Variants in HECTD4 observed in about 807,000 individuals in gnomAD.
The protein encoded by HECTD4 is HECT domain E3 ubiquitin protein ligase 4, also known as probable E3 ubiquitin-protein ligase HECTD4.
Under a neutral mutation model 471.5 loss-of-function variants are expected in HECTD4, and 114 were observed. The observed-to-expected ratio is 0.24, with a 90% CI of 0.21 to 0.28. HECTD4 has a LOEUF of 0.28. Among genes scored for constraint, HECTD4 ranks in the 10% least tolerant of loss-of-function variants. HECTD4 has a pLI of 1.00. For synonymous variants in HECTD4, 2,012 were observed against 2,256.0 expected, an observed-to-expected ratio of 0.89 and a Z score of 3.07; for missense variants, 3,866 against 5,651.5, an observed-to-expected ratio of 0.68 and a Z score of 10.13.
intron 1 of HECTD4, among the ~76,000 whole-genome samples, chr12:112,324,155 C>A (rs1434097821): frequency 1.4e-5 from 2 of 146,512 alleles, no homozygotes; most frequent in African/African-American, 5.1e-5. Flanking sequence ...GTCTCACTCA[C>A]CCAGGCTGGA....
intron 7 of HECTD4, among the ~76,000 whole-genome samples, chr12:112,298,183 A>C (rs954561992): frequency 6.6e-6 from 1 of 152,212 alleles, no homozygotes; most frequent in African/African-American, 2.4e-5. Context: ...AGCCAAAAAA[A>C]TAGAGTGCCT....
In HECTD4 at chr12:112,162,678, C is replaced by T. The variant is rs1419297277; in HGVS notation, c.13121-155G>A. The T allele has an allele frequency of 3.6e-6, 3 of 825,810 alleles. No homozygotes were observed. Among genetic ancestry groups the T allele is most frequent in the East Asian group, 2.7e-5 (1 of 37,266 alleles). The allele number at this position is 825,810 out of a possible 1,614,324, so 51.2% of individuals were successfully genotyped here. On this transcript the variant is annotated intron_variant, in intron 75 of 75. Coordinates refer to ENST00000682272, the MANE Select transcript of HECTD4 (RefSeq NM_001388303.1). This position sits in a 1 kb window ranked among gnomAD's most constrained non-coding sequence, Gnocchi z 5.2. ...AGGGGGATGAGGGCCTGGGAACCTG[C>T]GAGATGTTCTTGGAGGGAAAAGGGG... is the stretch of plus-strand genomic sequence containing the variant.
chr12:112,223,124 G>A (rs936747156), intron 44 of HECTD4, among the ~76,000 whole-genome samples: 9 of 152,124 alleles, frequency 5.9e-5, no homozygotes, highest in Admixed American at 1.3e-4. Context: ...TGATGGTTCC[G>A]GTAGCCTGCT....
chr12:112,302,080 C>T, intron 7 of HECTD4: 1 of 1,378,506 alleles, frequency 7.3e-7, no homozygotes, highest in Non-Finnish European at 1.0e-6. Context: ...TGGTGCAGGT[C>T]TTCCTGTGGA....
chr12:112,193,818 C>A lies in HECTD4; in HGVS notation c.8750-144G>T. ...ATATGATGTCCTGGATAACAGATGC[C>A]GGCAATCAGATCCTCTGCACCAGGA... On this transcript the variant is annotated intron_variant, in intron 56 of 75. Coordinates refer to ENST00000682272, the MANE Select transcript of HECTD4 (RefSeq NM_001388303.1). This position sits in a 1 kb window ranked among gnomAD's most constrained non-coding sequence, Gnocchi z 5.2. 1.4e-6 allele frequency: 1 copy of A among 704,204 alleles called. No individual in the cohort carries two copies. The highest frequency in any genetic ancestry group is 2.4e-6 in the Non-Finnish European group (1 of 410,610). 43.6% of individuals were successfully genotyped at this position (704,204 alleles called of 1,614,324 possible). A position where few individuals can be genotyped will look rare whatever the true frequency, so the allele number is the denominator to read the frequency against.
rs1269566509 is a variant in HECTD4, at chr12:112,193,398, T to G, written c.8955+71A>C. On this transcript the variant is annotated intron_variant, in intron 57 of 75. Coordinates refer to ENST00000682272, the MANE Select transcript of HECTD4 (RefSeq NM_001388303.1). The surrounding 1 kb of genome is among the most constrained non-coding windows in gnomAD (Gnocchi z 5.2). ...CTTGGAAGGGAAAGGGGAGTCATTT[T>G]CAGCAAGCCAGTGAGACTCCCAGTT... 1 of 1,464,926 alleles carries G rather than the reference T, an allele frequency of 6.8e-7. No individual in the cohort carries two copies. The highest frequency in any genetic ancestry group is 2.4e-5 in the East Asian group (1 of 40,992). The allele number at this position is 1,464,926 out of a possible 1,614,324, so 90.7% of individuals were successfully genotyped here. A position where few individuals can be genotyped will look rare whatever the true frequency, so the allele number is the denominator to read the frequency against.
intron 29 of HECTD4, among the ~76,000 whole-genome samples, chr12:112,245,231 T>C (rs562678779): frequency 2.8e-4 from 43 of 152,332 alleles, no homozygotes; most frequent in Admixed American, 2.8e-3. Context: ...CTTGAACTCC[T>C]GGTGTAAGCG....
chr12:112,286,598 G>A (rs933618559), intron 7 of HECTD4, among the ~76,000 whole-genome samples: 1 of 152,026 alleles, frequency 6.6e-6, no homozygotes, highest in African/African-American at 2.4e-5. Flanking sequence ...AGACTGAGGC[G>A]GGAGGATTGA....
intron 1 of HECTD4, among the ~76,000 whole-genome samples, chr12:112,352,420 C>T (rs1256628700): frequency 6.6e-6 from 1 of 151,498 alleles, no homozygotes; most frequent in Non-Finnish European, 1.5e-5. Context: ...ATTGCAACCT[C>T]CGCCTCCTGG....
chr12:112,204,133 C>T (rs1015842487), intron 53 of HECTD4, among the ~76,000 whole-genome samples: 7 of 151,676 alleles, frequency 4.6e-5, no homozygotes, highest in Middle Eastern at 3.2e-3. Context: ...ACCTCCGCCT[C>T]CCAGGTTCAA....
intron 4 of HECTD4, among the ~76,000 whole-genome samples, chr12:112,310,136 G>A (rs2035345204): frequency 6.6e-6 from 1 of 152,196 alleles, no homozygotes; most frequent in African/African-American, 2.4e-5. Flanking sequence ...TCTGTAAGAT[G>A]AGGATAATAA....
rs1021115360 is a variant in HECTD4 at position 112,381,246 on chromosome 12, C to T, written c.177+706G>A. On this transcript the variant is annotated intron_variant, in intron 1 of 75. Transcript: ENST00000682272. The surrounding 1 kb of genome is among the most constrained non-coding windows in gnomAD (Gnocchi z 4.1). Reference sequence around the variant, plus strand: ...CTGTTGCACCTGCCACGGCTCTGAACCCGGGATGCTTGGCGACCCCCGGGG... The same window carrying T: ...CTGTTGCACCTGCCACGGCTCTGAATCCGGGATGCTTGGCGACCCCCGGGG... Among the ~76,000 whole-genome samples the T allele has an allele frequency of 6.6e-6, 1 of 151,994 alleles. No homozygotes were observed. The highest frequency in any genetic ancestry group is 1.5e-5 in the Non-Finnish European group (1 of 68,014).
rs1054669094 is a variant in HECTD4 at position 112,272,960 on chromosome 12, C to T, written c.1942+695G>A. Among the ~76,000 whole-genome samples, 4 of 152,202 alleles carry T rather than the reference C, an allele frequency of 2.6e-5. No homozygotes were observed. In the South Asian group the frequency reaches 8.3e-4, roughly 32 times the overall value. Reference sequence around the variant, plus strand: ...TTGAGGTGGTCAGCATAGTAATTCTCTCAATGCAGACTGAGGTGGAGGATA... The same window carrying T: ...TTGAGGTGGTCAGCATAGTAATTCTTTCAATGCAGACTGAGGTGGAGGATA... On this transcript the variant is annotated intron_variant, in intron 11 of 75. Coordinates refer to ENST00000682272, the MANE Select transcript of HECTD4 (RefSeq NM_001388303.1).
At chr12:112,250,419 A>G (rs1220254985) in intron 24 of HECTD4, 42 bp from the exon 25 acceptor site, 1 of 1,393,642 alleles carries the variant, frequency 7.2e-7, no homozygotes, top group Non-Finnish European at 1.0e-6. Flanking sequence ...CTCTCTCAAC[A>G]AGAGTATTGG....
intron 54 of HECTD4, among the ~76,000 whole-genome samples, chr12:112,202,084 A>T (rs2032444664): frequency 6.6e-6 from 1 of 152,194 alleles, no homozygotes; most frequent in South Asian, 2.1e-4. Context: ...GCAGTGGGAG[A>T]TTAACAGTAT....
At chr12:112,296,075 G>A (rs2035003492) in intron 7 of HECTD4, among the ~76,000 whole-genome samples, 3 of 152,216 alleles carry the variant, frequency 2.0e-5, no homozygotes, top group Admixed American at 6.5e-5. Flanking sequence ...CTTGGTGTGT[G>A]TGAGTAACAT....
chr12:112,226,869 T>G, intron 43 of HECTD4, 111 bp from the exon 44 acceptor site: 1 of 661,230 alleles, frequency 1.5e-6, no homozygotes, highest in Non-Finnish European at 2.6e-6. Flanking sequence ...ACAACAAGGT[T>G]CAAACACCCC....
chr12:112,308,763 T>C lies in HECTD4; in HGVS notation c.1154A>G (p.Asn385Ser). ...PHSLFQVIDQNTLQVCQVVPM... is the reference protein window; with the variant it reads ...PHSLFQVIDQSTLQVCQVVPM... ...TGGTTTTCTGTTTACCTGAAGGGTGTTCTGGTCAATGACCTGGAAAAGGGA... is the reference window on the plus strand; with the variant it reads ...TGGTTTTCTGTTTACCTGAAGGGTGCTCTGGTCAATGACCTGGAAAAGGGA... Residue 385 changes from asparagine (N) to serine (S), a missense_variant, in exon 6 of 76, where the codon AAC (asparagine) becomes AGC (serine). This residue lies in a region of HECTD4 where 440 missense variants were observed against 636.0 expected (regional missense o/e 0.69). Transcript: ENST00000682272. The C allele has an allele frequency of 6.5e-7, 1 of 1,535,770 alleles. No individual in the cohort carries two copies. The highest frequency in any genetic ancestry group is 8.7e-7 in the Non-Finnish European group (1 of 1,146,766).
chr12:112,176,549 G>C, intron 65 of HECTD4, 47 bp downstream of exon 65: 1 of 1,347,026 alleles, frequency 7.4e-7, no homozygotes, highest in Non-Finnish European at 1.1e-6. Flanking sequence ...TAGTCTCCAG[G>C]ATGGAAGTAG....
Sources: allele counts gnomAD v4.1 joint callset (sites outside exome capture counted in the v4.1 genomes callset), GRCh38; gene constraint gnomAD v4.1.1; regional missense constraint gnomAD v4.1.1; non-coding constraint Gnocchi (gnomAD v3.1); transcripts MANE v1.5; gene names NCBI Gene and HGNC (gene_info 2026-07-23, HGNC 2026-07-21).